The following GPC5 variants were observed in gnomAD, a reference collection of about 807,000 sequenced individuals.
GPC5 encodes the protein glypican-5.
In GPC5, 47 loss-of-function variants were observed where a neutral mutation model predicts 53.9. The ratio of observed to expected loss-of-function variants is 0.87; its 90% CI spans 0.69 to 1.11. GPC5 has a LOEUF of 1.11. Among genes scored for constraint, GPC5 ranks in the 50% most tolerant of loss-of-function variants. The pLI, the probability that GPC5 is intolerant of heterozygous loss-of-function variation, is 0.00. For missense variants in GPC5, 748 were observed against 713.1 expected, an observed-to-expected ratio of 1.05 and a Z score of -0.56; for synonymous variants, 286 against 263.3, an observed-to-expected ratio of 1.09 and a Z score of -0.84.
chr13:92,236,769 A>T (rs942163657), intron 7 of GPC5, among the ~76,000 whole-genome samples: 2 of 152,156 alleles, frequency 1.3e-5, no homozygotes, highest in South Asian at 4.1e-4. Context: ...AGTGTTTATA[A>T]TAAAATTAGC....
chr13:92,747,858 A>T (rs1323067486), intron 7 of GPC5, among the ~76,000 whole-genome samples: 2 of 152,216 alleles, frequency 1.3e-5, no homozygotes, highest in African/African-American at 4.8e-5. Flanking sequence ...TTCTGCTATA[A>T]ATCCTTTTTA....
chr13:92,011,445 CT>C, intron 6 of GPC5, among the ~76,000 whole-genome samples: 1 of 152,296 alleles, frequency 6.6e-6, no homozygotes, highest in Middle Eastern at 3.4e-3. Flanking sequence ...CATAAATACT[CT>C]GTCATGTTTC....
chr13:91,555,653 T>A (rs1282648778), intron 2 of GPC5, among the ~76,000 whole-genome samples: 1 of 152,040 alleles, frequency 6.6e-6, no homozygotes, highest in Non-Finnish European at 1.5e-5. Flanking sequence ...TTGCTAAAGA[T>A]ATACCCAAGA....
intron 5 of GPC5, among the ~76,000 whole-genome samples, chr13:91,781,932 T>G (rs1316422612): frequency 1.3e-5 from 2 of 152,200 alleles, no homozygotes; most frequent in African/African-American, 4.8e-5. Context: ...TACTCTGAGC[T>G]AGTCCTGAAG....
chr13:91,793,575 T>C (rs1263277547), intron 5 of GPC5, among the ~76,000 whole-genome samples: 1 of 152,266 alleles, frequency 6.6e-6, no homozygotes, highest in Admixed American at 6.5e-5. Flanking sequence ...TTAAAATAAA[T>C]CCACTGAGCA....
chr13:91,688,402 T>C (rs559162739), intron 2 of GPC5, among the ~76,000 whole-genome samples: 1 of 152,250 alleles, frequency 6.6e-6, no homozygotes, highest in East Asian at 1.9e-4. Context: ...GAAATACTTA[T>C]GATCACAGAT....
intron 5 of GPC5, among the ~76,000 whole-genome samples, chr13:91,845,410 C>T (rs1431781544): frequency 6.6e-6 from 1 of 152,010 alleles, no homozygotes; most frequent in African/African-American, 2.4e-5. Flanking sequence ...TATGCATTTC[C>T]ATTGTGAAAT....
rs117357792 is a variant in GPC5, at chr13:91,998,573, C to A, written c.1401+90516C>A. Among the ~76,000 whole-genome samples, 178 of 152,262 alleles carry A rather than the reference C, an allele frequency of 1.2e-3. 1 individual carries two copies. In the East Asian group the frequency reaches 0.03, roughly 26 times the overall value. On this transcript the variant is annotated intron_variant, in intron 6 of 7. Coordinates refer to ENST00000377067, the MANE Select transcript of GPC5 (RefSeq NM_004466.6). Reference sequence around the variant, plus strand: ...CTCCACACCAGTTTTCACCATAGAACCACCTGTTATTATAGATCCTGGAAG... The same window carrying A: ...CTCCACACCAGTTTTCACCATAGAAACACCTGTTATTATAGATCCTGGAAG...
At chr13:92,808,591 T>C (rs1007567464) in intron 7 of GPC5, among the ~76,000 whole-genome samples, 1 of 152,004 alleles carries the variant, frequency 6.6e-6, no homozygotes, top group Non-Finnish European at 1.5e-5. Flanking sequence ...ATGGCTGACT[T>C]AATACAAAAT....
rs117925353 is a variant in GPC5, at chr13:91,957,950, A to C, written c.1401+49893A>C. Among the ~76,000 whole-genome samples the C allele has an allele frequency of 3.7e-3, 562 of 152,240 alleles. 18 individuals carry two copies. In the East Asian group the frequency reaches 0.084, roughly 23 times the overall value. ...TACCAAAGCACAATGATAAAAAATAAGAGAAAGAAATGAACAAAAGATAAA... is the reference window on the plus strand; with the variant it reads ...TACCAAAGCACAATGATAAAAAATACGAGAAAGAAATGAACAAAAGATAAA... On this transcript the variant is annotated intron_variant, in intron 6 of 7. Transcript: ENST00000377067.
At chr13:92,696,850 A>T (rs1466960385) in intron 7 of GPC5, among the ~76,000 whole-genome samples, 1 of 152,194 alleles carries the variant, frequency 6.6e-6, no homozygotes, top group East Asian at 1.9e-4. Flanking sequence ...TTAAGTCTTC[A>T]ATCCATCTTG....
intron 2 of GPC5, among the ~76,000 whole-genome samples, chr13:91,590,882 T>C (rs2032772294): frequency 6.6e-6 from 1 of 152,202 alleles, no homozygotes; most frequent in African/African-American, 2.4e-5. Flanking sequence ...CTCCTTAAAG[T>C]GAGACATAGA....
chr13:92,437,949 A>G (rs548638526), intron 7 of GPC5, among the ~76,000 whole-genome samples: 13 of 152,192 alleles, frequency 8.5e-5, no homozygotes, highest in African/African-American at 3.1e-4. Flanking sequence ...CACATGGATA[A>G]TCTCCCTTTT....
chr13:91,839,254 T>C (rs2038757170), intron 5 of GPC5, among the ~76,000 whole-genome samples: 1 of 152,184 alleles, frequency 6.6e-6, no homozygotes, highest in African/African-American at 2.4e-5. Context: ...TATTGGGATT[T>C]CATTAAGGAT....
chr13:92,345,808 G>A (rs924107873), intron 7 of GPC5, among the ~76,000 whole-genome samples: 1 of 152,030 alleles, frequency 6.6e-6, no homozygotes, highest in African/African-American at 2.4e-5. Context: ...GGGAACAATG[G>A]GGCTAAAGGC....
At chr13:92,695,829 C>G (rs1457329182) in intron 7 of GPC5, among the ~76,000 whole-genome samples, 1 of 151,714 alleles carries the variant, frequency 6.6e-6, no homozygotes, top group Non-Finnish European at 1.5e-5. Context: ...TTAGGTATTT[C>G]TCCTGTTATT....
chr13:91,829,469 G>A (rs995375895), intron 5 of GPC5, among the ~76,000 whole-genome samples: 13 of 152,128 alleles, frequency 8.5e-5, no homozygotes, highest in Non-Finnish European at 1.3e-4. Context: ...TTTGATTTTG[G>A]TTTTGATAAT....
At chr13:91,575,102 G>A (rs1235052918) in intron 2 of GPC5, among the ~76,000 whole-genome samples, 1 of 152,096 alleles carries the variant, frequency 6.6e-6, no homozygotes, top group Non-Finnish European at 1.5e-5. Flanking sequence ...TATAATATTT[G>A]ACTATTGAGG....
At chr13:91,941,188 A>G (rs1038223958) in intron 6 of GPC5, among the ~76,000 whole-genome samples, 11 of 151,668 alleles carry the variant, frequency 7.3e-5, no homozygotes, top group African/African-American at 2.2e-4. Flanking sequence ...ACTGCTCTCT[A>G]TTTTATTCTA....
Sources: allele counts gnomAD v4.1 joint callset (sites outside exome capture counted in the v4.1 genomes callset), GRCh38; gene constraint gnomAD v4.1.1; transcripts MANE v1.5; gene names NCBI Gene and HGNC (gene_info 2026-07-23, HGNC 2026-07-21).